The following METTL15 variants were observed in gnomAD, a reference collection of about 807,000 sequenced individuals.
METTL15 encodes 12S rRNA N(4)-cytidine methyltransferase METTL15.
A neutral mutation model predicts 38.3 loss-of-function variants in METTL15; 34 were observed. The ratio of observed to expected loss-of-function variants is 0.89; its 90% CI spans 0.68 to 1.18. The LOEUF (loss-of-function observed/expected upper bound fraction) is 1.18, where lower values mean the gene tolerates loss of function less well. Among genes scored for constraint, METTL15 ranks in the 50% most tolerant of loss-of-function variants. The probability of loss-of-function intolerance (pLI) is 0.00; values close to 1 mark genes in which losing one functional copy is unlikely to be tolerated. For synonymous variants in METTL15, 162 were observed against 170.9 expected, an observed-to-expected ratio of 0.95 and a Z score of 0.41; for missense variants, 438 against 498.4, an observed-to-expected ratio of 0.88 and a Z score of 1.15.
chr11:28,417,638 G>A (rs1332189024), intron 5 of METTL15, among the ~76,000 whole-genome samples: 1 of 152,158 alleles, frequency 6.6e-6, no homozygotes, highest in Non-Finnish European at 1.5e-5. Context: ...TGGAGTGGCA[G>A]TGTGTAATTT....
intron 6 of METTL15, among the ~76,000 whole-genome samples, chr11:28,483,578 A>G (rs1002230470): frequency 1.3e-5 from 2 of 152,152 alleles, no homozygotes; most frequent in Non-Finnish European, 2.9e-5. Context: ...GTGAAGTTCC[A>G]GATTGTAAAT....
intron 3 of METTL15, among the ~76,000 whole-genome samples, chr11:28,115,856 A>G (rs1218777344): frequency 6.6e-6 from 1 of 151,534 alleles, no homozygotes; most frequent in East Asian, 1.9e-4. Flanking sequence ...GTGTGTGTGT[A>G]TACCCATACA....
intron 5 of METTL15, among the ~76,000 whole-genome samples, chr11:28,390,687 G>A (rs1850495733): frequency 1.3e-5 from 2 of 152,248 alleles, no homozygotes; most frequent in South Asian, 4.2e-4. Flanking sequence ...TGTTCTTGTG[G>A]CTTAGGATTG....
intron 5 of METTL15, among the ~76,000 whole-genome samples, chr11:28,389,275 C>A (rs1269385450): frequency 6.6e-6 from 1 of 150,900 alleles, no homozygotes; most frequent in Admixed American, 6.6e-5. Flanking sequence ...TACATGTGCA[C>A]AATGTGCAGG....
intron 4 of METTL15, among the ~76,000 whole-genome samples, chr11:28,213,845 CG>C (rs1226955472): frequency 3.3e-5 from 5 of 151,242 alleles, no homozygotes; most frequent in Non-Finnish European, 7.4e-5. Context: ...TTAGTAGAGA[CG>C]GGGTTTCACC....
intron 6 of METTL15, among the ~76,000 whole-genome samples, chr11:28,481,930 C>A (rs781103586): frequency 6.6e-6 from 1 of 152,176 alleles, no homozygotes; most frequent in South Asian, 2.1e-4. Flanking sequence ...GAAAACCCAG[C>A]ATTAAATGTT....
chr11:28,377,876 A>G (rs572319875), intron 5 of METTL15, among the ~76,000 whole-genome samples: 7 of 152,034 alleles, frequency 4.6e-5, no homozygotes, highest in African/African-American at 1.7e-4. Context: ...CTTCTAACAG[A>G]CAGGACCCTC....
intron 3 of METTL15, among the ~76,000 whole-genome samples, chr11:28,147,142 C>A (rs1213675183): frequency 6.6e-6 from 1 of 151,842 alleles, no homozygotes; most frequent in African/African-American, 2.4e-5. Flanking sequence ...AGGTTTCAGG[C>A]ACTTTATATA....
Position 28,305,529 on chromosome 11 carries a change from A to G in METTL15, c.778+8598A>G, listed in dbSNP as rs549376381. On this transcript the variant is annotated intron_variant, in intron 6 of 6. Transcript: ENST00000407364. ...AGATTAGGTTACTTTCCTCTTGTCA[A>G]CTAGAGCTGGGATTAGAAGCTAGTA... Among the ~76,000 whole-genome samples the G allele has an allele frequency of 9.0e-4, 137 of 152,194 alleles. 1 individual carries two copies. Among genetic ancestry groups the G allele is most frequent in the African/African-American group, 3.3e-3 (136 of 41,538 alleles).
intron 5 of METTL15, among the ~76,000 whole-genome samples, chr11:28,376,064 G>T (rs1339512258): frequency 1.3e-5 from 2 of 152,022 alleles, no homozygotes; most frequent in Non-Finnish European, 2.9e-5. Flanking sequence ...TTTTACATTT[G>T]CTGAGGAGTG....
intron 6 of METTL15, among the ~76,000 whole-genome samples, chr11:28,454,985 G>A (rs757189884): frequency 6.6e-6 from 1 of 152,088 alleles, no homozygotes; most frequent in Non-Finnish European, 1.5e-5. Flanking sequence ...TTAAAACGAG[G>A]CAGAGACTGG....
intron 4 of METTL15, among the ~76,000 whole-genome samples, chr11:28,211,640 C>T (rs1006968982): frequency 1.3e-5 from 2 of 151,918 alleles, no homozygotes; most frequent in Admixed American, 1.3e-4. Flanking sequence ...CTGAAATTCA[C>T]AAGTAAATCT....
chr11:28,257,728 G>A (rs1855031028), intron 4 of METTL15, among the ~76,000 whole-genome samples: 1 of 151,956 alleles, frequency 6.6e-6, no homozygotes, highest in African/African-American at 2.4e-5. Context: ...CAGAATTTCT[G>A]CTTCTTTTTA....
intron 6 of METTL15, among the ~76,000 whole-genome samples, chr11:28,512,371 C>T (rs1851682018): frequency 6.6e-6 from 1 of 152,222 alleles, no homozygotes; most frequent in South Asian, 2.1e-4. Context: ...GGACTGGGCA[C>T]CGTGGAGCAG....
At chr11:28,273,581 C>CAT (rs1478164495) in intron 4 of METTL15, among the ~76,000 whole-genome samples, 1 of 151,852 alleles carries the variant, frequency 6.6e-6, no homozygotes, top group African/African-American at 2.4e-5. Flanking sequence ...TCAGGTGTCA[C>CAT]ATATATATAT....
At chr11:28,370,517 G>A (rs1401233803) in intron 5 of METTL15, among the ~76,000 whole-genome samples, 1 of 151,940 alleles carries the variant, frequency 6.6e-6, no homozygotes, top group African/African-American at 2.4e-5. Context: ...CAAGAAATGT[G>A]TGAGTGCAGA....
At chr11:28,521,271 T>C (rs1457689208) in intron 6 of METTL15, among the ~76,000 whole-genome samples, 1 of 152,204 alleles carries the variant, frequency 6.6e-6, no homozygotes, top group Non-Finnish European at 1.5e-5. Context: ...GTCTTGGACA[T>C]GTCCAGCCAG....
At chr11:28,478,308 A>G (rs1180117752) in intron 6 of METTL15, among the ~76,000 whole-genome samples, 1 of 152,208 alleles carries the variant, frequency 6.6e-6, no homozygotes, top group African/African-American at 2.4e-5. Flanking sequence ...TCCTAAAGCT[A>G]TGAATCTAAA....
intron 5 of METTL15, among the ~76,000 whole-genome samples, chr11:28,382,850 A>C (rs528016083): frequency 1.4e-5 from 2 of 146,442 alleles, no homozygotes; most frequent in African/African-American, 5.4e-5. Context: ...AAAAAAAAAG[A>C]AAGTTCAATT....
Sources: allele counts gnomAD v4.1 joint callset (sites outside exome capture counted in the v4.1 genomes callset), GRCh38; gene constraint gnomAD v4.1.1; transcripts MANE v1.5; gene names NCBI Gene and HGNC (gene_info 2026-07-23, HGNC 2026-07-21).